The following ZNF91 variants were observed in gnomAD, a reference collection of about 807,000 sequenced individuals.
ZNF91 encodes the protein zinc finger protein 91 (HPF7, HTF10).
ZNF91 carries 7 observed loss-of-function variants against 12.6 expected under a neutral mutation model. The observed-to-expected ratio is 0.55, with a 90% CI of 0.31 to 1.04. The LOEUF (loss-of-function observed/expected upper bound fraction) is 1.04, where lower values mean the gene tolerates loss of function less well. Ranked by LOEUF, ZNF91 falls within the 50% of genes least tolerant of loss-of-function variation. The pLI is 0.05. For missense variants in ZNF91, 1,217 were observed against 1,385.4 expected (o/e 0.88, Z 1.93); for synonymous variants, 453 against 462.6 (o/e 0.98, Z 0.27).
chr19:23,323,326 T>C (rs1449814603), intron 1 of ZNF91, among the ~76,000 whole-genome samples: 1 of 146,892 alleles, frequency 6.8e-6, no homozygotes, highest in Non-Finnish European at 1.5e-5. Flanking sequence ...TTCTCCATCT[T>C]CTCCTCGTCC....
chr19:23,340,718 GA>G (rs1968105030), intron 3 of ZNF91, among the ~76,000 whole-genome samples: 1 of 147,516 alleles, frequency 6.8e-6, no homozygotes, highest in Admixed American at 6.7e-5. Context: ...ACACAACAAA[GA>G]AAACTATTAT....
chr19:23,341,468 CTG>C (rs796829086), intron 3 of ZNF91, among the ~76,000 whole-genome samples: 16 of 152,176 alleles, frequency 1.1e-4, no homozygotes, highest in African/African-American at 3.4e-4. Context: ...CAACAGCAAA[CTG>C]TATATATCAG....
At chr19:23,335,848 G>C (rs1967998529), downstream of ZNF91, among the ~76,000 whole-genome samples, 1 of 152,180 alleles carries the variant, frequency 6.6e-6, no homozygotes, top group Admixed American at 6.5e-5. Context: ...GTCACAGTGA[G>C]ATGAACCCAG....
At chr19:23,384,592 AC>A (rs1969814702) in intron 1 of ZNF91, 1 of 1,031,532 alleles carries the variant, frequency 9.7e-7, no homozygotes, top group South Asian at 3.3e-5. Context: ...AGAAATTTAA[AC>A]TGAGACATTC....
downstream of ZNF91, among the ~76,000 whole-genome samples, chr19:23,356,246 T>C (rs879742730): frequency 9.2e-5 from 14 of 152,248 alleles, no homozygotes; most frequent in African/African-American, 2.2e-4. Flanking sequence ...CAATTCACAA[T>C]TGTAAAATCG....
intron 3 of ZNF91, among the ~76,000 whole-genome samples, chr19:23,341,693 T>C (rs889655308): frequency 6.6e-6 from 1 of 152,036 alleles, no homozygotes; most frequent in Non-Finnish European, 1.5e-5. Flanking sequence ...TCACTCGAAA[T>C]CTGTTAGGAT....
chr19:23,354,530 A>G (rs1033040776), downstream of ZNF91, among the ~76,000 whole-genome samples: 3 of 152,214 alleles, frequency 2.0e-5, no homozygotes, highest in African/African-American at 7.2e-5. Context: ...AATAGAAAAA[A>G]GTTGAAAGCA....
At position 23,362,442 on chromosome 19, in the gene ZNF91, C is replaced by T. The variant is rs1355261559; in HGVS notation, c.537G>A (p.Lys179=). ...CACATTTTTTACATTTGAAGCATTT[C>T]TTTCCAGTATGTCTTATCGTATGTC... ...SNRHTIRHTG[K]KCFKCKKCVK... is the part of the protein sequence containing the mutation. The change falls in exon 4 of 4, where the codon AAG becomes AAA. Residue 179 remains lysine, a synonymous_variant. Coordinates refer to ENST00000300619, the MANE Select transcript of ZNF91 (RefSeq NM_003430.4). 2 of 1,613,774 alleles carry T rather than the reference C, an allele frequency of 1.2e-6. No homozygotes were observed. Among genetic ancestry groups the T allele is most frequent in the Non-Finnish European group, 1.7e-6 (2 of 1,179,908 alleles).
downstream of ZNF91, among the ~76,000 whole-genome samples, chr19:23,335,867 T>C (rs1192352026): frequency 6.6e-6 from 1 of 152,168 alleles, no homozygotes; most frequent in Non-Finnish European, 1.5e-5. Flanking sequence ...AGTACCTCAG[T>C]TGGAAATGCA....
downstream of ZNF91, among the ~76,000 whole-genome samples, chr19:23,353,519 G>GA (rs1301460222): frequency 6.6e-6 from 1 of 151,884 alleles, no homozygotes; most frequent in Admixed American, 6.6e-5. Context: ...AGCAAAAACG[G>GA]AAAATCTAAG....
intron 3 of ZNF91, among the ~76,000 whole-genome samples, chr19:23,342,875 C>A (rs553788908): frequency 6.6e-6 from 1 of 152,192 alleles, no homozygotes. Context: ...ATGGCCAAAG[C>A]CTTGAATGTT....
At chr19:23,373,084 C>T (rs1318087048) in intron 3 of ZNF91, among the ~76,000 whole-genome samples, 2 of 152,248 alleles carry the variant, frequency 1.3e-5, no homozygotes, top group African/African-American at 4.8e-5. Flanking sequence ...TTCTTCACTA[C>T]AAACCCAGAT....
chr19:23,394,503 G>T (rs1970165646), intron 1 of ZNF91, among the ~76,000 whole-genome samples: 1 of 152,166 alleles, frequency 6.6e-6, no homozygotes, highest in South Asian at 2.1e-4. Flanking sequence ...GGCCAAGGTG[G>T]GTGGATCACC....
chr19:23,385,036 A>AC, intron 1 of ZNF91: 1 of 1,211,970 alleles, frequency 8.3e-7, no homozygotes, highest in Non-Finnish European at 1.2e-6. Context: ...CCAGGGAGAC[A>AC]CCTCATGGGG....
upstream of ZNF91, among the ~76,000 whole-genome samples, chr19:23,311,480 A>G (rs1317906609): frequency 6.6e-6 from 1 of 152,170 alleles, no homozygotes; most frequent in African/African-American, 2.4e-5. Context: ...ATTGTGACAT[A>G]TTACTGGACA....
intron 3 of ZNF91, among the ~76,000 whole-genome samples, chr19:23,371,981 T>C (rs1303753670): frequency 2.6e-5 from 4 of 152,074 alleles, no homozygotes; most frequent in Non-Finnish European, 4.4e-5. Flanking sequence ...CAAAATATGG[T>C]TAGAGCTTCA....
At chr19:23,391,809 G>C (rs1267331943) in intron 1 of ZNF91, among the ~76,000 whole-genome samples, 3 of 152,086 alleles carry the variant, frequency 2.0e-5, no homozygotes, top group African/African-American at 7.2e-5. Context: ...CTCCCCAGAA[G>C]GAACTAAGTG....
At chr19:23,330,874 T>C (rs1967917579) in intron 1 of ZNF91, among the ~76,000 whole-genome samples, 2 of 152,210 alleles carry the variant, frequency 1.3e-5, no homozygotes, top group Non-Finnish European at 2.9e-5. Flanking sequence ...AGCGTATGCA[T>C]GCATTTAGAA....
intron 3 of ZNF91, among the ~76,000 whole-genome samples, chr19:23,367,333 A>C (rs970134229): frequency 2.6e-5 from 4 of 151,714 alleles, no homozygotes; most frequent in African/African-American, 9.7e-5. Flanking sequence ...AAATAAATTT[A>C]AGAATATCAA....
Sources: allele counts gnomAD v4.1 joint callset (sites outside exome capture counted in the v4.1 genomes callset), GRCh38; gene constraint gnomAD v4.1.1; transcripts MANE v1.5; gene names NCBI Gene and HGNC (gene_info 2026-07-23, HGNC 2026-07-21).